Variants in NRG1 observed in about 807,000 individuals in gnomAD.
NRG1 encodes the protein pro-neuregulin-1, membrane-bound isoform.
NRG1 carries 18 observed loss-of-function variants against 63.8 expected under a neutral mutation model. That is an observed-to-expected ratio of 0.28 (90% confidence interval 0.19 to 0.42). The LOEUF is 0.42. Ranked by LOEUF, NRG1 falls within the 10% of genes least tolerant of loss-of-function variation. NRG1 has a pLI of 1.00. For synonymous variants in NRG1, 302 were observed against 301.3 expected (o/e 1.00, Z -0.02); for missense variants, 762 against 814.7 (o/e 0.94, Z 0.79).
chr8:32,363,342 A>C (rs1225119330), intron 1 of NRG1, among the ~76,000 whole-genome samples: 2 of 152,190 alleles, frequency 1.3e-5, no homozygotes, highest in African/African-American at 4.8e-5. Flanking sequence ...ATTCGAGTGC[A>C]TTGAAATGCA....
At chr8:31,946,407 G>A (rs1365980411) in intron 1 of NRG1, among the ~76,000 whole-genome samples, 1 of 152,120 alleles carries the variant, frequency 6.6e-6, no homozygotes, top group Non-Finnish European at 1.5e-5. Context: ...TCATGCATGG[G>A]GATTTTCCTG....
intron 1 of NRG1, among the ~76,000 whole-genome samples, chr8:31,919,581 A>T (rs1833724690): frequency 6.6e-6 from 1 of 152,166 alleles, no homozygotes; most frequent in South Asian, 2.1e-4. Flanking sequence ...AATTTGACAT[A>T]TTACTGAAAC....
intron 1 of NRG1, among the ~76,000 whole-genome samples, chr8:32,244,092 T>C (rs562557885): frequency 5.2e-4 from 79 of 152,282 alleles, no homozygotes; most frequent in African/African-American, 1.8e-3. Flanking sequence ...ATCCCATTGG[T>C]AGTGCTCAGC....
At chr8:31,887,776 A>G (rs954850240) in intron 1 of NRG1, among the ~76,000 whole-genome samples, 1 of 152,118 alleles carries the variant, frequency 6.6e-6, no homozygotes, top group Non-Finnish European at 1.5e-5. Context: ...TTAACCAGCT[A>G]TTCTACAACT....
At chr8:31,639,483 G>T in intron 1 of NRG1, 11 of 1,530,788 alleles carry the variant, frequency 7.2e-6, no homozygotes, top group Non-Finnish European at 9.6e-6. Flanking sequence ...GCCACCCAGC[G>T]ATTTCCAGGC....
At chr8:32,147,247 T>A (rs11782644) in intron 1 of NRG1, among the ~76,000 whole-genome samples, 70,547 of 152,034 alleles carry the variant, frequency 0.46, 18,456 homozygotes, top group Admixed American at 0.59. Context: ...CAATTTACCC[T>A]TCCTGGAATG....
chr8:31,709,243 A>G (rs1252352342), intron 1 of NRG1, among the ~76,000 whole-genome samples: 1 of 151,612 alleles, frequency 6.6e-6, no homozygotes, highest in Non-Finnish European at 1.5e-5. Flanking sequence ...CATCTATGGA[A>G]ATTATCTTGT....
At chr8:32,465,878 A>C (rs991073342) in intron 1 of NRG1, among the ~76,000 whole-genome samples, 2 of 152,226 alleles carry the variant, frequency 1.3e-5, no homozygotes, top group South Asian at 4.1e-4. Flanking sequence ...ACCACAATAC[A>C]AAAAAGTATA....
chr8:32,262,875 A>G (rs1187347199), intron 1 of NRG1, among the ~76,000 whole-genome samples: 1 of 152,198 alleles, frequency 6.6e-6, no homozygotes, highest in Non-Finnish European at 1.5e-5. Flanking sequence ...CAGATGACAA[A>G]TCATGAGAGT....
chr8:31,742,357 G>T (rs11985395), intron 1 of NRG1, among the ~76,000 whole-genome samples: 31,213 of 148,684 alleles, frequency 0.21, 3,666 homozygotes, highest in Middle Eastern at 0.26. Context: ...TCTTCAAATT[G>T]TATATACATT....
intron 1 of NRG1, chr8:31,639,633 G>T: frequency 1.4e-6 from 2 of 1,411,368 alleles, no homozygotes; most frequent in Middle Eastern, 2.5e-4. Context: ...GTCCTCCTCC[G>T]GTGACAGCAG....
At chr8:32,137,555 AT>A (rs1835710831) in intron 1 of NRG1, among the ~76,000 whole-genome samples, 1 of 152,230 alleles carries the variant, frequency 6.6e-6, no homozygotes, top group Non-Finnish European at 1.5e-5. Context: ...GCACAATTGC[AT>A]GCATATGTCA....
At chr8:31,790,365 C>G (rs570734170) in intron 1 of NRG1, among the ~76,000 whole-genome samples, 9 of 152,068 alleles carry the variant, frequency 5.9e-5, no homozygotes, top group Non-Finnish European at 1.3e-4. Context: ...AGGGTACTGG[C>G]TTGTTAGATT....
chr8:31,931,453 G>A (rs1834856710), intron 1 of NRG1, among the ~76,000 whole-genome samples: 1 of 151,878 alleles, frequency 6.6e-6, no homozygotes, highest in African/African-American at 2.4e-5. Context: ...AACTCACCAG[G>A]GCCTCAATTT....
At position 32,318,350 on chromosome 8, in the gene NRG1, A is replaced by G. The variant is rs567509604; in HGVS notation, c.38-277478A>G. Reference sequence around the variant, plus strand: ...GATGACAGTCAGATTTTACTGATAGAGATTTGAAATATATTTTGATAGGGC... The same window carrying G: ...GATGACAGTCAGATTTTACTGATAGGGATTTGAAATATATTTTGATAGGGC... On this transcript the variant is annotated intron_variant, in intron 1 of 10. Coordinates refer to the NRG1 transcript ENST00000519301. Among the ~76,000 whole-genome samples, 27 of 152,284 alleles carry G rather than the reference A, an allele frequency of 1.8e-4. 1 individual carries two copies. The highest frequency in any genetic ancestry group is 3.4e-4 in the Non-Finnish European group (23 of 68,020).
chr8:32,552,826 G>GA (rs570035394), intron 1 of NRG1, among the ~76,000 whole-genome samples: 527 of 152,186 alleles, frequency 3.5e-3, no homozygotes, highest in African/African-American at 0.012. Flanking sequence ...AAAAAGAGGA[G>GA]AAAAAATATA....
chr8:32,271,787 A>G (rs184875662), intron 1 of NRG1, among the ~76,000 whole-genome samples: 7 of 152,262 alleles, frequency 4.6e-5, no homozygotes, highest in Non-Finnish European at 7.4e-5. Flanking sequence ...TTACTCTACA[A>G]TCATGCACCT....
chr8:32,041,396 C>A (rs748726757), intron 1 of NRG1, among the ~76,000 whole-genome samples: 26 of 152,238 alleles, frequency 1.7e-4, no homozygotes, highest in Middle Eastern at 3.4e-3. Flanking sequence ...CAAACCTGGA[C>A]AAAACACATG....
intron 1 of NRG1, among the ~76,000 whole-genome samples, chr8:32,457,187 C>T (rs1821704725): frequency 6.6e-6 from 1 of 152,082 alleles, no homozygotes; most frequent in Non-Finnish European, 1.5e-5. Context: ...TTGTCCCTCT[C>T]TTCAACTGAA....
Sources: allele counts gnomAD v4.1 joint callset (sites outside exome capture counted in the v4.1 genomes callset), GRCh38; gene constraint gnomAD v4.1.1; transcripts MANE v1.5; gene names NCBI Gene and HGNC (gene_info 2026-07-23, HGNC 2026-07-21).